Variants in GIMAP8 observed in about 807,000 individuals in gnomAD.
The protein encoded by GIMAP8 is GTPase IMAP family member 8.
In GIMAP8, 29 loss-of-function variants were observed where a neutral mutation model predicts 35.6. That is an observed-to-expected ratio of 0.81 (90% CI 0.61 to 1.11). The LOEUF is 1.11. GIMAP8 is among the 50% of genes most tolerant of loss of function. The pLI, the probability that GIMAP8 is intolerant of heterozygous loss-of-function variation, is 0.00. For synonymous variants in GIMAP8, 335 were observed against 308.7 expected, an observed-to-expected ratio of 1.09 and a Z score of -0.89; for missense variants, 811 against 805.0, an observed-to-expected ratio of 1.01 and a Z score of -0.09.
At position 150,472,475 on chromosome 7, in the gene GIMAP8, G is replaced by C. The variant is rs1023992686; in HGVS notation, c.683-1537G>C. Reference sequence around the variant, plus strand: ...TTGTGGTTGTGGAAGACTCGTGTCTGATTTTCTGTAATACTGTGGATGAGA... The same window carrying C: ...TTGTGGTTGTGGAAGACTCGTGTCTCATTTTCTGTAATACTGTGGATGAGA... On this transcript the variant is annotated intron_variant, in intron 3 of 4. Coordinates refer to ENST00000307271, the MANE Select transcript of GIMAP8 (RefSeq NM_175571.4). The surrounding 1 kb of genome is among the most constrained non-coding windows in gnomAD (Gnocchi z 4.1). Among the ~76,000 whole-genome samples the C allele has an allele frequency of 2.0e-5, 3 of 152,140 alleles. No homozygotes were observed. Among genetic ancestry groups the C allele is most frequent in the Non-Finnish European group, 4.4e-5 (3 of 68,020 alleles).
At chr7:150,457,998 C>G (rs926692323) in intron 1 of GIMAP8, among the ~76,000 whole-genome samples, 5 of 152,246 alleles carry the variant, frequency 3.3e-5, no homozygotes, top group Non-Finnish European at 5.9e-5. Flanking sequence ...CTGCAACACT[C>G]TTTCCTCAGA....
At position 150,467,304 on chromosome 7, in the gene GIMAP8, G is replaced by A; in HGVS notation, c.606G>A (p.Val202=). The A allele has an allele frequency of 6.2e-7, 1 of 1,613,132 alleles. No individual in the cohort carries two copies. The highest frequency in any genetic ancestry group is 8.5e-7 in the Non-Finnish European group (1 of 1,179,160). Reference sequence around the variant, plus strand: ...ATACGAACGGAGGACCCTATCATGTGAACTTCAAAACTGAAGGCAGCAGGT... The same window carrying A: ...ATACGAACGGAGGACCCTATCATGTAAACTTCAAAACTGAAGGCAGCAGGT... ...LVNTNGGPYH[V]NFKTEGSRFQ... Residue 202 remains valine (V), a synonymous_variant, in exon 2 of 5, where the codon GTG becomes GTA. Transcript: ENST00000307271.
At chr7:150,468,770 T>C (rs570332677) in intron 2 of GIMAP8, among the ~76,000 whole-genome samples, 33 of 152,274 alleles carry the variant, frequency 2.2e-4, no homozygotes, top group Non-Finnish European at 3.7e-4. Context: ...CCAAGCAGCA[T>C]GGAAATAAGA....
At position 150,451,455 on chromosome 7, in the gene GIMAP8, C is replaced by T. The variant is rs1299491634; in HGVS notation, c.-29+280C>T. On this transcript the variant is annotated intron_variant, in intron 1 of 4. Transcript: ENST00000307271. The surrounding 1 kb of genome is among the most constrained non-coding windows in gnomAD (Gnocchi z 4.1). ...TTTCCTCCTGGTCCAAAGCGTGTCT[C>T]CCCAGCCTGCTGGGGAGTAGATTCG... is the stretch of plus-strand genomic sequence containing the variant. 6.6e-6 allele frequency among the ~76,000 whole-genome samples: 1 copy of T among 152,124 alleles called. No homozygotes were observed. Among genetic ancestry groups the T allele is most frequent in the Non-Finnish European group, 1.5e-5 (1 of 68,016 alleles).
intron 4 of GIMAP8, among the ~76,000 whole-genome samples, chr7:150,474,955 A>G (rs1672442521): frequency 6.6e-6 from 1 of 150,388 alleles, no homozygotes; most frequent in African/African-American, 2.5e-5. Flanking sequence ...ATTCCCACCT[A>G]TGAGTGAGAA....
In GIMAP8 at chr7:150,451,517, T is replaced by C. The variant is rs965545613; in HGVS notation, c.-29+342T>C. On this transcript the variant is annotated intron_variant, in intron 1 of 4. Coordinates refer to ENST00000307271, the MANE Select transcript of GIMAP8 (RefSeq NM_175571.4). The surrounding 1 kb of genome is among the most constrained non-coding windows in gnomAD (Gnocchi z 4.1). ...ACAGAGGCATATTCCCAGACATCTA[T>C]GAGAGTGGCTGTCCTAAAAGAAGGC... 3.3e-5 allele frequency among the ~76,000 whole-genome samples: 5 copies of C among 152,066 alleles called. No homozygotes were observed. The highest frequency in any genetic ancestry group is 2.6e-4 in the Admixed American group (4 of 15,284).
intron 4 of GIMAP8, among the ~76,000 whole-genome samples, chr7:150,476,663 T>C (rs1802235724): frequency 6.6e-6 from 1 of 152,180 alleles, no homozygotes; most frequent in Admixed American, 6.5e-5. Flanking sequence ...TAGCAGTAGT[T>C]GGGAGTGAGA....
chr7:150,475,969 A>G (rs1321007998), intron 4 of GIMAP8, among the ~76,000 whole-genome samples: 1 of 152,206 alleles, frequency 6.6e-6, no homozygotes, highest in Non-Finnish European at 1.5e-5. Context: ...AACATTGAAG[A>G]TTAAGGCGTT....
At chr7:150,461,023 G>A (rs1356047676) in intron 1 of GIMAP8, among the ~76,000 whole-genome samples, 2 of 152,246 alleles carry the variant, frequency 1.3e-5, no homozygotes, top group Non-Finnish European at 2.9e-5. Flanking sequence ...GGTTTGTACT[G>A]TGAGTTATCT....
intron 3 of GIMAP8, among the ~76,000 whole-genome samples, chr7:150,471,494 A>G (rs1333917016): frequency 6.6e-6 from 1 of 152,220 alleles, no homozygotes; most frequent in Non-Finnish European, 1.5e-5. Flanking sequence ...CCTTTTCCTC[A>G]TGGAAATCTT....
intron 4 of GIMAP8, among the ~76,000 whole-genome samples, chr7:150,475,301 A>C (rs961991415): frequency 1.2e-4 from 18 of 152,254 alleles, no homozygotes; most frequent in Non-Finnish European, 2.4e-4. Context: ...AAAGAAGTTG[A>C]AACTGGAAGA....
intron 1 of GIMAP8, among the ~76,000 whole-genome samples, chr7:150,462,862 G>A (rs1275648068): frequency 6.6e-6 from 1 of 152,114 alleles, no homozygotes; most frequent in African/African-American, 2.4e-5. Context: ...TGAATTTCCT[G>A]TGTCTGAATG....
At position 150,466,898 on chromosome 7, in the gene GIMAP8, C is replaced by G. The variant is rs541547816; in HGVS notation, c.200C>G (p.Pro67Arg). The G allele has an allele frequency of 4.3e-6, 7 of 1,614,242 alleles. No individual in the cohort carries two copies. The highest frequency in any genetic ancestry group is 5.9e-6 in the Non-Finnish European group (7 of 1,180,032). The change falls in exon 2 of 5, where the codon CCT becomes CGT. Residue 67 changes from proline (P) to arginine (R), a missense_variant. Coordinates refer to ENST00000307271, the MANE Select transcript of GIMAP8 (RefSeq NM_175571.4). ...AGGAAGGTTGTGGTAATTGACACCC[C>G]TGACCTTTTCTCCTCAATAGCTTGT... Reference protein sequence around the residue: ...RERKVVVIDTPDLFSSIACAE... With the variant: ...RERKVVVIDTRDLFSSIACAE...
chr7:150,459,239 T>G (rs1801793285), intron 1 of GIMAP8, among the ~76,000 whole-genome samples: 1 of 152,310 alleles, frequency 6.6e-6, no homozygotes, highest in South Asian at 2.1e-4. Context: ...GTAGTCCAAT[T>G]TCCCCTTGGT....
intron 2 of GIMAP8, among the ~76,000 whole-genome samples, chr7:150,470,203 G>A (rs1442232427): frequency 6.6e-6 from 1 of 152,176 alleles, no homozygotes; most frequent in African/African-American, 2.4e-5. Context: ...GGAGAGGGAT[G>A]GTTGAGGGTG....
In GIMAP8 at chr7:150,474,394, CTT is replaced by C; in HGVS notation, c.1067_1068del (p.Phe356Ter). 1 of 1,614,086 alleles carries C rather than the reference CTT, an allele frequency of 6.2e-7. No individual in the cohort carries two copies. The highest frequency in any genetic ancestry group is 8.5e-7 in the Non-Finnish European group (1 of 1,179,986). On this transcript the variant is annotated frameshift_variant, in exon 4 of 5. Transcript: ENST00000307271. LOFTEE classifies it high-confidence loss of function. ...TIQNNFGEKF[F>X]EYMIILLTRK... is the part of the protein sequence containing the mutation. ...TCCAAAACAATTTTGGAGAAAAATT[CTT>C]TGAGTACATGATCATACTTCTTACC...
chr7:150,462,630 AT>A (rs199634964), intron 1 of GIMAP8, among the ~76,000 whole-genome samples: 26 of 151,706 alleles, frequency 1.7e-4, no homozygotes, highest in African/African-American at 5.1e-4. Context: ...TGGCCAAAAA[AT>A]TTTTTTTTCC....
intron 4 of GIMAP8, 68 bp downstream of exon 4, chr7:150,474,706 AC>A (rs1802186451): frequency 1.4e-5 from 14 of 1,022,070 alleles, no homozygotes; most frequent in Non-Finnish European, 1.6e-5. Context: ...ATATATAAGA[AC>A]TTTTTATTTT....
chr7:150,461,178 G>T (rs769517109), intron 1 of GIMAP8, among the ~76,000 whole-genome samples: 1 of 152,214 alleles, frequency 6.6e-6, no homozygotes, highest in South Asian at 2.1e-4. Context: ...TTCTCTATGT[G>T]CTTATAAGAA....
Sources: gnomAD v4.1 joint callset for allele counts (sites outside exome capture counted in the v4.1 genomes callset) on GRCh38, gnomAD v4.1.1 for gene constraint, Gnocchi (gnomAD v3.1) non-coding constraint, MANE v1.5 for transcripts, NCBI Gene and HGNC (gene_info 2026-07-23, HGNC 2026-07-21) for gene names.